The following ANKEF1 variants were observed in gnomAD, a reference collection of about 807,000 sequenced individuals.
ANKEF1 encodes the protein ankyrin repeat and EF-hand domain containing 1.
Under a neutral mutation model 65.1 loss-of-function variants are expected in ANKEF1, and 43 were observed. That is an observed-to-expected ratio of 0.66 (90% CI 0.52 to 0.85). ANKEF1 has a LOEUF of 0.85. Ranked by LOEUF, ANKEF1 falls within the 40% of genes least tolerant of loss-of-function variation. The probability of loss-of-function intolerance (pLI) is 0.00; values close to 1 mark genes in which losing one functional copy is unlikely to be tolerated. For missense variants in ANKEF1, 934 were observed against 952.9 expected (o/e 0.98, Z 0.26); for synonymous variants, 316 against 341.5 (o/e 0.93, Z 0.82).
chr20:10,055,279 A>G (rs1985079346), intron 10 of ANKEF1, among the ~76,000 whole-genome samples: 1 of 152,224 alleles, frequency 6.6e-6, no homozygotes, highest in Non-Finnish European at 1.5e-5. Flanking sequence ...TTATTTGTCT[A>G]GACAGTCATC....
chr20:10,046,348 T>G (rs2078489422), intron 6 of ANKEF1, among the ~76,000 whole-genome samples: 1 of 152,242 alleles, frequency 6.6e-6, no homozygotes, highest in South Asian at 2.1e-4. Context: ...TGCTTTCATT[T>G]GAATTTTTAG....
rs1025951789 is a variant in ANKEF1 at position 10,057,959 on chromosome 20, G to C, written c.*2299G>C. 1 of 152,134 alleles carries C rather than the reference G, an allele frequency of 6.6e-6. No individual in the cohort carries two copies. Among genetic ancestry groups the C allele is most frequent in the Non-Finnish European group, 1.5e-5 (1 of 68,026 alleles). The allele number at this position is 152,134 out of a possible 1,614,324, so 9.4% of individuals were successfully genotyped here. A position where few individuals can be genotyped will look rare whatever the true frequency, so the allele number is the denominator to read the frequency against. ...ACAAGCCACTTTTATCTTGTAAAAT[G>C]TCTCTCAACTTTGGTTTGTCTTAAA... On this transcript the variant is annotated 3_prime_UTR_variant, in exon 11 of 11. Coordinates refer to ENST00000378392, the MANE Select transcript of ANKEF1 (RefSeq NM_022096.6).
chr20:10,052,872 A>C (rs1984944375), intron 8 of ANKEF1, among the ~76,000 whole-genome samples: 1 of 152,184 alleles, frequency 6.6e-6, no homozygotes, highest in Admixed American at 6.6e-5. Flanking sequence ...ATAGTAAAAA[A>C]AAAACTAAGG....
chr20:10,049,769 A>G lies in ANKEF1; in HGVS notation c.1200A>G (p.Arg400=), dbSNP rs147403865. ...VNINEFFKGT[R]YLNKSFVLGS... is the part of the protein sequence containing the mutation. ...TTAATGAATTCTTTAAAGGAACCAG[A>G]TATTTAAACAAGTCTTTTGTCTTAG... Residue 400 remains arginine (R), a synonymous_variant, in exon 7 of 11, where the codon AGA becomes AGG. Transcript: ENST00000378392. 114 of 1,614,006 alleles carry G rather than the reference A, an allele frequency of 7.1e-5. No homozygotes were observed. Among genetic ancestry groups the G allele is most frequent in the East Asian group, 1.1e-4 (5 of 44,894 alleles).
Position 10,038,520 on chromosome 20 carries a change from C to T in ANKEF1, c.219C>T (p.His73=). The T allele has an allele frequency of 6.2e-7, 1 of 1,614,190 alleles. No homozygotes were observed. Among genetic ancestry groups the T allele is most frequent in the Non-Finnish European group, 8.5e-7 (1 of 1,180,036 alleles). ...GCTTTCTCCTTGACCTTGGTGCTCA[C>T]CCTGATGTGCAAGACCGAATGGGCT... ...MVSFLLDLGA[H]PDVQDRMGCT... is the part of the protein sequence containing the mutation. Residue 73 remains histidine (H), a synonymous_variant, in exon 3 of 11, where the codon CAC becomes CAT. Transcript: ENST00000378392.
At chr20:10,047,695 G>C (rs1984597781) in intron 6 of ANKEF1, among the ~76,000 whole-genome samples, 1 of 152,170 alleles carries the variant, frequency 6.6e-6, no homozygotes, top group Non-Finnish European at 1.5e-5. Flanking sequence ...TCAACTCCCT[G>C]AGTTCTGCAG....
At chr20:10,053,050 T>C (rs1984955893) in intron 8 of ANKEF1, 62 bp from the exon 9 acceptor site, 10 of 1,491,322 alleles carry the variant, frequency 6.7e-6, no homozygotes, top group African/African-American at 1.4e-5. Context: ...GAGATATTTT[T>C]CTACATGGTT....
At chr20:10,042,044 A>G (rs1378421652) in intron 3 of ANKEF1, among the ~76,000 whole-genome samples, 3 of 152,184 alleles carry the variant, frequency 2.0e-5, no homozygotes, top group Non-Finnish European at 2.9e-5. Context: ...TTTCCCCTTC[A>G]TGGATTAGTT....
At position 10,055,701 on chromosome 20, in the gene ANKEF1, A is replaced by C; in HGVS notation, c.*41A>C. On this transcript the variant is annotated 3_prime_UTR_variant, in exon 11 of 11. Transcript: ENST00000378392. ...TCTTGGGGTAAATGCTTTGAGGCCCAGGGACCAATCTTTGGAGAAAGTAGA... is the reference window on the plus strand; with the variant it reads ...TCTTGGGGTAAATGCTTTGAGGCCCCGGGACCAATCTTTGGAGAAAGTAGA... The C allele has an allele frequency of 6.2e-7, 1 of 1,607,168 alleles. No homozygotes were observed. The highest frequency in any genetic ancestry group is 8.5e-7 in the Non-Finnish European group (1 of 1,174,294).
chr20:10,051,582 T>G, intron 7 of ANKEF1, 81 bp from the exon 8 acceptor site: 1 of 1,090,206 alleles, frequency 9.2e-7, no homozygotes, highest in Non-Finnish European at 1.3e-6. Flanking sequence ...GATAGAACTC[T>G]ATGAAATCTT....
rs192281399 is a variant in ANKEF1 at position 10,039,648 on chromosome 20, C to T, written c.346+1001C>T. Among the ~76,000 whole-genome samples, 437 of 152,268 alleles carry T rather than the reference C, an allele frequency of 2.9e-3. 3 individuals carry two copies. The highest frequency in any genetic ancestry group is 9.9e-3 in the African/African-American group (413 of 41,542). The stretch of plus-strand genomic sequence containing the variant: ...TTTGAAATGCTAAATCCTGAAAAAA[C>T]GGTATCCTCTCAAAGCTCTATAGTA... On this transcript the variant is annotated intron_variant, in intron 3 of 10. Coordinates refer to ENST00000378392, the MANE Select transcript of ANKEF1 (RefSeq NM_022096.6).
chr20:10,049,645 T>G lies in ANKEF1; in HGVS notation c.1076T>G (p.Phe359Cys), dbSNP rs1178369961. Reference protein sequence around the residue: ...RGDGSISKNDFVMVLEERQDY... With the variant: ...RGDGSISKNDCVMVLEERQDY... ...GATGGAAGCATCAGCAAGAACGACT[T>G]CGTGATGGTGTTGGAGGAAAGGCAG... The change falls in exon 7 of 11, where the codon TTC (phenylalanine) becomes TGC (cysteine). Residue 359 changes from phenylalanine (F) to cysteine (C), a missense_variant. Physicochemically the swap from Phe to Cys is radical, Grantham distance 205. Coordinates refer to ENST00000378392, the MANE Select transcript of ANKEF1 (RefSeq NM_022096.6). The G allele has an allele frequency of 1.2e-6, 2 of 1,614,016 alleles. No individual in the cohort carries two copies. The highest frequency in any genetic ancestry group is 1.7e-6 in the Non-Finnish European group (2 of 1,179,980).
At position 10,049,871 on chromosome 20, in the gene ANKEF1, A is replaced by G. The variant is rs756163191; in HGVS notation, c.1302A>G (p.Pro434=). The G allele has an allele frequency of 1.9e-6, 3 of 1,614,180 alleles. No homozygotes were observed. Among genetic ancestry groups the G allele is most frequent in the Non-Finnish European group, 2.5e-6 (3 of 1,180,030 alleles). ...GKKGKFVLPL[P]ICVIPEYAFP... ...AAGGGAAATTTGTCTTACCCCTTCC[A>G]ATCTGTGTCATTCCTGAGTACGCGT... is the stretch of plus-strand genomic sequence containing the variant. The change falls in exon 7 of 11, where the codon CCA becomes CCG. Residue 434 remains proline (P), a synonymous_variant. Coordinates refer to ENST00000378392, the MANE Select transcript of ANKEF1 (RefSeq NM_022096.6).
chr20:10,051,959 G>A (rs1171473263), intron 8 of ANKEF1, 70 bp downstream of exon 8: 24 of 1,204,542 alleles, frequency 2.0e-5, no homozygotes, highest in Non-Finnish European at 2.8e-5. Context: ...AGCCCCTTCT[G>A]ATTCTATTCT....
At chr20:10,042,141 C>A (rs932678263) in intron 3 of ANKEF1, among the ~76,000 whole-genome samples, 2 of 152,136 alleles carry the variant, frequency 1.3e-5, no homozygotes, top group African/African-American at 4.8e-5. Flanking sequence ...TCAACTTTTC[C>A]TAAGACCCAA....
intron 2 of ANKEF1, 105 bp from the exon 3 acceptor site, chr20:10,038,153 T>G (rs921654796): frequency 1.4e-5 from 7 of 506,236 alleles, no homozygotes; most frequent in African/African-American, 1.3e-4. Context: ...GAACATTTCT[T>G]AAAAAACAAT....
At chr20:10,044,605 T>A (rs995837355) in intron 5 of ANKEF1, 62 bp downstream of exon 5, 11 of 1,580,720 alleles carry the variant, frequency 7.0e-6, no homozygotes, top group South Asian at 3.4e-5. Context: ...TTTTCTCAAA[T>A]TTTTTTATAT....
intron 3 of ANKEF1, 152 bp downstream of exon 3, chr20:10,038,799 T>C (rs991397831): frequency 1.1e-5 from 7 of 618,502 alleles, no homozygotes; most frequent in Non-Finnish European, 8.4e-6. Context: ...CTAAACCTAC[T>C]GTCTCCTCAT....
chr20:10,049,903 G>A lies in ANKEF1; in HGVS notation c.1334G>A (p.Arg445His). 4 of 1,614,136 alleles carry A rather than the reference G, an allele frequency of 2.5e-6. No homozygotes were observed. The highest frequency in any genetic ancestry group is 1.3e-5 in the African/African-American group (1 of 75,020). The change falls in exon 7 of 11, where the codon CGC (arginine) becomes CAC (histidine). Residue 445 changes from arginine to histidine, a missense_variant. Physicochemically the swap from Arg to His is conservative, Grantham distance 29. Coordinates refer to ENST00000378392, the MANE Select transcript of ANKEF1 (RefSeq NM_022096.6). ...GTCATTCCTGAGTACGCGTTTCCAC[G>A]CCGGCAGGATGGTGGGCCACCGTAT... ...ICVIPEYAFP[R>H]RQDGGPPYYM...
Sources: gnomAD v4.1 joint callset for allele counts (sites outside exome capture counted in the v4.1 genomes callset) on GRCh38, gnomAD v4.1.1 for gene constraint, MANE v1.5 for transcripts, NCBI Gene and HGNC (gene_info 2026-07-23, HGNC 2026-07-21) for gene names.